The following CPD variants were observed in gnomAD, a reference collection of about 807,000 sequenced individuals.
The protein encoded by CPD is carboxypeptidase D.
A neutral mutation model predicts 138.3 loss-of-function variants in CPD; 69 were observed. The ratio of observed to expected loss-of-function variants is 0.50; its 90% CI spans 0.41 to 0.61. The LOEUF (loss-of-function observed/expected upper bound fraction) is 0.61. Among genes scored for constraint, CPD ranks in the 20% least tolerant of loss-of-function variants. The probability of loss-of-function intolerance (pLI) is 0.00; values close to 1 mark genes in which losing one functional copy is unlikely to be tolerated. For missense variants in CPD, 1,432 were observed against 1,733.3 expected (o/e 0.83, Z 3.09); for synonymous variants, 651 against 642.1 (o/e 1.01, Z -0.21).
intron 8 of CPD, among the ~76,000 whole-genome samples, chr17:30,433,868 G>A (rs1361771121): frequency 6.6e-6 from 1 of 152,168 alleles, no homozygotes; most frequent in Non-Finnish European, 1.5e-5. Context: ...TTTCTCATGT[G>A]TGTCTTAACA....
rs1382891267 is a variant in CPD, at chr17:30,401,244, GCTTCTT to G, written c.994+16011_994+16016del. Among the ~76,000 whole-genome samples, 66 of 121,154 alleles carry G rather than the reference GCTTCTT, an allele frequency of 5.4e-4. 1 individual carries two copies. The East Asian group carries it at 0.022, about 40-fold the overall frequency. 79.5% of individuals were successfully genotyped at this position (121,154 alleles called of 152,430 possible). Reference sequence around the variant, plus strand: ...TTCTGCTTCTTCTGCTTCTGCTGCTGCTTCTTCTCCTTCTCCTTCTCCTCCTCCTTC... The same window carrying G: ...TTCTGCTTCTTCTGCTTCTGCTGCTGCTCCTTCTCCTTCTCCTCCTCCTTC... On this transcript the variant is annotated intron_variant, in intron 2 of 20. Transcript: ENST00000225719.
At chr17:30,464,003 A>G (rs1340909525) in intron 20 of CPD, among the ~76,000 whole-genome samples, 2 of 152,228 alleles carry the variant, frequency 1.3e-5, no homozygotes, top group Non-Finnish European at 2.9e-5. Flanking sequence ...GAAAAGTATA[A>G]TAGAAGTCAT....
In CPD at chr17:30,423,708, G is replaced by T; in HGVS notation, c.1849+11G>T. Reference sequence around the variant, plus strand: ...AAAAGTCCCAGGAAGGTAAAGAATAGCATTTAATTCTTAATCATTTGATCA... The same window carrying T: ...AAAAGTCCCAGGAAGGTAAAGAATATCATTTAATTCTTAATCATTTGATCA... On this transcript the variant is annotated intron_variant, in intron 6 of 20. Transcript: ENST00000225719. 6.6e-7 allele frequency: 1 copy of T among 1,504,444 alleles called. No individual in the cohort carries two copies. Among genetic ancestry groups the T allele is most frequent in the East Asian group, 2.4e-5 (1 of 41,094 alleles). The allele number at this position is 1,504,444 out of a possible 1,614,324, so 93.2% of individuals were successfully genotyped here.
chr17:30,414,487 G>A (rs977564489), intron 2 of CPD, among the ~76,000 whole-genome samples: 16 of 152,192 alleles, frequency 1.1e-4, no homozygotes, highest in African/African-American at 3.9e-4. Flanking sequence ...GGAAGCTGAG[G>A]CAGGAGAATG....
chr17:30,422,546 C>G (rs1426306283), intron 4 of CPD, 128 bp from the exon 5 acceptor site: 1 of 612,982 alleles, frequency 1.6e-6, no homozygotes. Flanking sequence ...ACACATCTCT[C>G]TTTATTTAGT....
chr17:30,383,940 C>T (rs762443772), intron 1 of CPD, among the ~76,000 whole-genome samples: 1 of 151,412 alleles, frequency 6.6e-6, no homozygotes, highest in Middle Eastern at 3.4e-3. Context: ...TTTTTTTTGC[C>T]TTTAGGTTTT....
intron 2 of CPD, among the ~76,000 whole-genome samples, chr17:30,411,115 G>A (rs1027255921): frequency 4.6e-5 from 7 of 152,166 alleles, no homozygotes; most frequent in South Asian, 4.1e-4. Flanking sequence ...CTTCACTTAC[G>A]AAGCTTAGTT....
chr17:30,436,219 C>T (rs1465644580), intron 8 of CPD, among the ~76,000 whole-genome samples: 1 of 151,818 alleles, frequency 6.6e-6, no homozygotes, highest in African/African-American at 2.4e-5. Context: ...AGGCTGAGGC[C>T]GAAGGATTGC....
chr17:30,449,156 G>A (rs377148954), intron 12 of CPD, among the ~76,000 whole-genome samples: 4 of 150,952 alleles, frequency 2.6e-5, no homozygotes, highest in African/African-American at 7.4e-5. Context: ...ATAAATAAGG[G>A]AGGTTATCTA....
intron 6 of CPD, among the ~76,000 whole-genome samples, chr17:30,425,457 G>A (rs1447309647): frequency 6.6e-6 from 1 of 151,898 alleles, no homozygotes; most frequent in Non-Finnish European, 1.5e-5. Context: ...GAGTTCAAGA[G>A]CAGCCTGGCC....
intron 3 of CPD, among the ~76,000 whole-genome samples, chr17:30,421,343 T>G (rs768147267): frequency 2.6e-5 from 4 of 152,148 alleles, no homozygotes; most frequent in Non-Finnish European, 1.5e-5. Flanking sequence ...TAGACATCAG[T>G]TTAATTTAAA....
At chr17:30,380,575 A>G (rs1261654089) in intron 1 of CPD, 19 of 1,494,364 alleles carry the variant, frequency 1.3e-5, no homozygotes, top group Non-Finnish European at 1.7e-5. Context: ...TTAAAAAATT[A>G]CAAAGTAGAA....
rs74256965 is a variant in CPD, at chr17:30,423,408, A to T, written c.1658-98A>T. 5.7e-6 allele frequency: 5 copies of T among 879,548 alleles called. No individual in the cohort carries two copies. In the East Asian group the frequency reaches 1.2e-4, roughly 21 times the overall value. The allele number at this position is 879,548 out of a possible 1,614,324, so 54.5% of individuals were successfully genotyped here. The stretch of plus-strand genomic sequence containing the variant: ...CTTTGCCAAAATACATGTTTAAAAA[A>T]TTTTTTAGTATAGGATTTATATATG... On this transcript the variant is annotated intron_variant, in intron 5 of 20. Transcript: ENST00000225719.
chr17:30,451,684 A>T, intron 13 of CPD, 27 bp from the exon 14 acceptor site: 1 of 1,608,098 alleles, frequency 6.2e-7, no homozygotes, highest in South Asian at 1.1e-5. Context: ...GCAGCTAGTA[A>T]CTCGTTAATT....
At chr17:30,459,146 CTTTTT>C (rs34756707) in intron 17 of CPD, among the ~76,000 whole-genome samples, 1 of 64,938 alleles carries the variant, frequency 1.5e-5, no homozygotes, top group African/African-American at 5.3e-5. Flanking sequence ...GCCAGTATCA[CTTTTT>C]TTTTTTTTTT....
Position 30,456,507 on chromosome 17 carries a change from G to A in CPD, c.3479G>A (p.Ser1160Asn), listed in dbSNP as rs1182444942. 32 of 1,614,008 alleles carry A rather than the reference G, an allele frequency of 2.0e-5. No individual in the cohort carries two copies. The highest frequency in any genetic ancestry group is 2.5e-5 in the Non-Finnish European group (30 of 1,179,976). The change falls in exon 17 of 21, where the codon AGT becomes AAT. Residue 1160 changes from serine (S) to asparagine (N), a missense_variant. By Grantham distance (46) the Ser-to-Asn change is conservative. Around this residue, in one of 6 missense-constraint regions of CPD, gnomAD observed 366 missense variants for 518.8 expected, o/e 0.71. Coordinates refer to ENST00000225719, the MANE Select transcript of CPD (RefSeq NM_001304.5). ...GTAATGCGTGGAGCAGAATGGCATA[G>A]TCACCTGGGCAGCATGAAGGTATGC... ...GGVMRGAEWH[S>N]HLGSMKDYSV...
intron 2 of CPD, among the ~76,000 whole-genome samples, chr17:30,403,955 A>G (rs949624342): frequency 2.0e-5 from 3 of 150,992 alleles, no homozygotes; most frequent in Non-Finnish European, 4.4e-5. Context: ...TTATATATGA[A>G]GAATATAGAT....
At chr17:30,391,495 A>T (rs1169354377) in intron 2 of CPD, among the ~76,000 whole-genome samples, 1 of 152,214 alleles carries the variant, frequency 6.6e-6, no homozygotes. Context: ...TTGATCAAAG[A>T]TCATAGTTTT....
chr17:30,428,933 T>A (rs777044409), intron 7 of CPD, among the ~76,000 whole-genome samples: 28 of 151,708 alleles, frequency 1.8e-4, no homozygotes, highest in Admixed American at 3.3e-4. Context: ...GGGAAGAAAT[T>A]TAGTTTCAAC....
Sources: allele counts gnomAD v4.1 joint callset (sites outside exome capture counted in the v4.1 genomes callset), GRCh38; gene constraint gnomAD v4.1.1; regional missense constraint gnomAD v4.1.1; transcripts MANE v1.5; gene names NCBI Gene and HGNC (gene_info 2026-07-23, HGNC 2026-07-21).